Variants in CNTRL observed in about 807,000 individuals in gnomAD.
CNTRL encodes the protein 110 kDa centrosomal protein.
Under a neutral mutation model 303.7 loss-of-function variants are expected in CNTRL, and 233 were observed. The observed-to-expected ratio is 0.77, with a 90% CI of 0.69 to 0.86. The LOEUF (loss-of-function observed/expected upper bound fraction) is 0.86. Ranked by LOEUF, CNTRL falls within the 40% of genes least tolerant of loss-of-function variation. The probability of loss-of-function intolerance (pLI) is 0.00; values close to 1 mark genes in which losing one functional copy is unlikely to be tolerated. For missense variants in CNTRL, 2,524 were observed against 2,650.6 expected (o/e 0.95, Z 1.05); for synonymous variants, 900 against 922.2 (o/e 0.98, Z 0.44).
At chr9:121,163,020 C>T (rs1192793150) in intron 34 of CNTRL, among the ~76,000 whole-genome samples, 1 of 151,818 alleles carries the variant, frequency 6.6e-6, no homozygotes, top group East Asian at 1.9e-4. Context: ...CAATTCATAC[C>T]TCACTATGTA....
intron 8 of CNTRL, among the ~76,000 whole-genome samples, chr9:121,110,244 T>C (rs1428383054): frequency 6.6e-6 from 1 of 152,164 alleles, no homozygotes; most frequent in Non-Finnish European, 1.5e-5. Flanking sequence ...AGTTTAGTTA[T>C]ATTTAAAATG....
chr9:121,172,923 C>T (rs2053371588), intron 40 of CNTRL, among the ~76,000 whole-genome samples: 1 of 152,180 alleles, frequency 6.6e-6, no homozygotes, highest in Admixed American at 6.5e-5. Flanking sequence ...CCCTGTCATA[C>T]TGGTAATACT....
chr9:121,151,714 T>C (rs183108731), intron 25 of CNTRL, among the ~76,000 whole-genome samples: 1 of 152,246 alleles, frequency 6.6e-6, no homozygotes, highest in East Asian at 1.9e-4. Flanking sequence ...TTCTGACTTT[T>C]TGGTTCTAAA....
intron 25 of CNTRL, among the ~76,000 whole-genome samples, chr9:121,151,430 G>A (rs1261355311): frequency 5.9e-4 from 46 of 78,510 alleles, no homozygotes; most frequent in African/African-American, 1.9e-3. Context: ...GTTCTCTTTC[G>A]CCCAGGCTGG....
Position 121,161,850 on chromosome 9 carries a change from C to T in CNTRL, c.5090-6C>T, listed in dbSNP as rs371427787. On this transcript the variant is annotated splice_region_variant and splice_polypyrimidine_tract_variant and intron_variant, in intron 32 of 43. Transcript: ENST00000373855. ...TCATGGACCATGCTTTGTTTCTATCCCTTAGAACTAAAGAATATTCTGGAC... is the reference window on the plus strand; with the variant it reads ...TCATGGACCATGCTTTGTTTCTATCTCTTAGAACTAAAGAATATTCTGGAC... 2.3e-5 allele frequency: 36 copies of T among 1,592,500 alleles called. 1 individual carries two copies. In the African/African-American group the frequency reaches 4.0e-4, roughly 18 times the overall value.
At chr9:121,111,889 G>A (rs2049764485) in intron 8 of CNTRL, among the ~76,000 whole-genome samples, 1 of 152,074 alleles carries the variant, frequency 6.6e-6, no homozygotes, top group South Asian at 2.1e-4. Context: ...TTTGGATCTG[G>A]TTGAGCTTAT....
chr9:121,113,157 A>T (rs1049330969), intron 9 of CNTRL, among the ~76,000 whole-genome samples: 1 of 152,198 alleles, frequency 6.6e-6, no homozygotes, highest in South Asian at 2.1e-4. Context: ...TTTTATTTAT[A>T]TGAGCCAAGA....
intron 7 of CNTRL, among the ~76,000 whole-genome samples, chr9:121,103,551 G>C (rs559172976): frequency 6.6e-6 from 1 of 152,156 alleles, no homozygotes; most frequent in African/African-American, 2.4e-5. Flanking sequence ...TGACAGATGG[G>C]ATCTAATTAA....
At chr9:121,125,176 T>G (rs2050447079) in intron 13 of CNTRL, among the ~76,000 whole-genome samples, 1 of 151,720 alleles carries the variant, frequency 6.6e-6, no homozygotes. Flanking sequence ...TAAACTTTTT[T>G]TTTTTTTTTG....
chr9:121,148,858 A>G lies in CNTRL; in HGVS notation c.3646A>G (p.Arg1216Gly), dbSNP rs779981166. 4.3e-6 allele frequency: 7 copies of G among 1,611,862 alleles called. No homozygotes were observed. The African/African-American group carries it at 6.7e-5, about 15-fold the overall frequency. ...RSGLHKLFPS[R>G]DADSGGDSQE... The stretch of plus-strand genomic sequence containing the variant: ...TGGGTTACATAAACTGTTTCCAAGT[A>G]GAGGTAAGTCAAATCACATAGGAAA... Residue 1216 changes from arginine to glycine, a missense_variant, in exon 24 of 44, where the codon AGA (arginine) becomes GGA (glycine). Physicochemically the swap from Arg to Gly is moderately radical, Grantham distance 125. Transcript: ENST00000373855.
At chr9:121,148,572 C>A in intron 23 of CNTRL, 100 bp from the exon 24 acceptor site, 1 of 1,115,126 alleles carries the variant, frequency 9.0e-7, no homozygotes, top group Non-Finnish European at 1.3e-6. Flanking sequence ...AGTTCTTTCT[C>A]AACCTTGCTA....
At chr9:121,170,628 G>C (rs922412683) in intron 39 of CNTRL, among the ~76,000 whole-genome samples, 1 of 151,878 alleles carries the variant, frequency 6.6e-6, no homozygotes, top group Non-Finnish European at 1.5e-5. Context: ...GATAATTTTT[G>C]TATTTTTAGT....
At chr9:121,138,979 A>G (rs542605345) in intron 16 of CNTRL, among the ~76,000 whole-genome samples, 2 of 152,336 alleles carry the variant, frequency 1.3e-5, no homozygotes, top group African/African-American at 4.8e-5. Flanking sequence ...CTTTTCTTCT[A>G]AAAGCAGATT....
intron 7 of CNTRL, among the ~76,000 whole-genome samples, chr9:121,102,799 T>C (rs1165159806): frequency 1.3e-5 from 2 of 152,274 alleles, no homozygotes; most frequent in African/African-American, 2.4e-5. Context: ...CCATTCACAA[T>C]TGCTTCAAAG....
rs1441802056 is a variant in CNTRL at position 121,074,970 on chromosome 9, A to G, written c.-302A>G. 1 of 455,850 alleles carries G rather than the reference A, an allele frequency of 2.2e-6. No homozygotes were observed. The highest frequency in any genetic ancestry group is 4.4e-6 in the Non-Finnish European group (1 of 226,806). 28.2% of individuals were successfully genotyped at this position (455,850 alleles called of 1,614,324 possible). A position where few individuals can be genotyped will look rare whatever the true frequency, so the allele number is the denominator to read the frequency against. ...GCCCCTCGGCAACCGGCACAACACA[A>G]CAAAATGGCTGCCGCGCCGCTGGGC... On this transcript the variant is annotated 5_prime_UTR_variant, in exon 1 of 44. Transcript: ENST00000373855.
intron 1 of CNTRL, among the ~76,000 whole-genome samples, chr9:121,075,496 G>T (rs2047885269): frequency 6.6e-6 from 1 of 152,224 alleles, no homozygotes; most frequent in Non-Finnish European, 1.5e-5. Context: ...AGTACAGTGC[G>T]TGGAGAAAGA....
Position 121,177,156 on chromosome 9 carries a change from A to G in CNTRL, c.6955-7A>G. 1.1e-5 allele frequency: 17 copies of G among 1,610,086 alleles called. No individual in the cohort carries two copies. Among genetic ancestry groups the G allele is most frequent in the Non-Finnish European group, 1.4e-5 (17 of 1,176,996 alleles). ...TTTGATTTATCCTTCCTTTTGTCTTACTGTAGGAAAAGAATGCCTCAGCCA... is the reference window on the plus strand; with the variant it reads ...TTTGATTTATCCTTCCTTTTGTCTTGCTGTAGGAAAAGAATGCCTCAGCCA... On this transcript the variant is annotated splice_polypyrimidine_tract_variant and splice_region_variant and intron_variant, in intron 43 of 43. Coordinates refer to ENST00000373855, the MANE Select transcript of CNTRL (RefSeq NM_007018.6).
At chr9:121,109,026 T>G (rs1328777675) in intron 8 of CNTRL, among the ~76,000 whole-genome samples, 1 of 152,170 alleles carries the variant, frequency 6.6e-6, no homozygotes, top group Non-Finnish European at 1.5e-5. Flanking sequence ...ATACAGTTAT[T>G]CCTCTGTATC....
At chr9:121,123,483 C>T (rs1174149942) in intron 12 of CNTRL, among the ~76,000 whole-genome samples, 1 of 152,122 alleles carries the variant, frequency 6.6e-6, no homozygotes, top group African/African-American at 2.4e-5. Context: ...CCTGTAGTCC[C>T]AGGTACTTGG....
Sources: allele counts gnomAD v4.1 joint callset (sites outside exome capture counted in the v4.1 genomes callset), GRCh38; gene constraint gnomAD v4.1.1; transcripts MANE v1.5; gene names NCBI Gene and HGNC (gene_info 2026-07-23, HGNC 2026-07-21).